The following AHCY variants were observed in gnomAD, a reference collection of about 807,000 sequenced individuals.
AHCY encodes S-adenosyl-L-homocysteine hydrolase.
AHCY carries 24 observed loss-of-function variants against 45.4 expected under a neutral mutation model. That is an observed-to-expected ratio of 0.53 (90% CI 0.38 to 0.74). AHCY has a LOEUF of 0.74. Among genes scored for constraint, AHCY ranks in the 30% least tolerant of loss-of-function variants. The probability of loss-of-function intolerance (pLI) is 0.00; values close to 1 mark genes in which losing one functional copy is unlikely to be tolerated. For synonymous variants in AHCY, 245 were observed against 235.1 expected (o/e 1.04, Z -0.39); for missense variants, 449 against 594.1 (o/e 0.76, Z 2.54).
the AHCY span, chr20:34,246,649 G>C: frequency 1.8e-6 from 1 of 541,328 alleles, no homozygotes; most frequent in Non-Finnish European, 3.4e-6. Flanking sequence ...GTAGAGATGG[G>C]GTTTCGCCAT....
rs1332079549 is a variant in AHCY at position 34,281,041 on chromosome 20, C to T, written c.1292G>A (p.Arg431His). 4 of 1,614,074 alleles carry T rather than the reference C, an allele frequency of 2.5e-6. No homozygotes were observed. Among genetic ancestry groups the T allele is most frequent in the Non-Finnish European group, 2.5e-6 (3 of 1,180,016 alleles). The change falls in exon 10 of 10, where the codon CGC becomes CAC. Residue 431 changes from arginine to histidine, a missense_variant. Transcript: ENST00000217426. The part of the protein sequence containing the change: ...CDGPFKPDHY[R>H]Y ...GAAACGCAGACCTGGCTCTCAGTAG[C>T]GGTAGTGATCCGGCTTGAAGGGGCC...
At chr20:34,308,310 G>A (rs746630503), upstream of AHCY, among the ~76,000 whole-genome samples, 1 of 152,202 alleles carries the variant, frequency 6.6e-6, no homozygotes, top group African/African-American at 2.4e-5. Flanking sequence ...CAGCACTTTG[G>A]GAGGCCAAGG....
At chr20:34,261,267 G>C in the AHCY span, among the ~76,000 whole-genome samples, 1 of 152,200 alleles carries the variant, frequency 6.6e-6, no homozygotes, top group East Asian at 1.9e-4. Context: ...GGAAGCTGGA[G>C]GCATGAGGAT....
chr20:34,275,893 G>GT (rs965231489), downstream of AHCY, among the ~76,000 whole-genome samples: 2 of 150,234 alleles, frequency 1.3e-5, no homozygotes, highest in Non-Finnish European at 3.0e-5. Flanking sequence ...GTTTCATTAT[G>GT]TTGGCCAGGC....
At chr20:34,307,236 A>G (rs949365935), upstream of AHCY, among the ~76,000 whole-genome samples, 3 of 151,344 alleles carry the variant, frequency 2.0e-5, no homozygotes, top group East Asian at 5.8e-4. Context: ...TTACAGGTGC[A>G]TGTCGCTACC....
the AHCY span, among the ~76,000 whole-genome samples, chr20:34,257,070 C>CTTTTTTTTTTTT: frequency 5.0e-5 from 7 of 139,412 alleles, no homozygotes; most frequent in Admixed American, 7.2e-5. Flanking sequence ...CTTTCTTTCT[C>CTTTTTTTTTTTT]TTTTTTTTTT....
downstream of AHCY, among the ~76,000 whole-genome samples, chr20:34,280,041 G>C (rs144283774): frequency 1.3e-5 from 2 of 152,252 alleles, no homozygotes; most frequent in African/African-American, 4.8e-5. Context: ...GCATTGAGCT[G>C]AGATTGCATC....
At chr20:34,241,553 G>C in the AHCY span, 1 of 984,418 alleles carries the variant, frequency 1.0e-6, no homozygotes, top group Non-Finnish European at 1.2e-6. Context: ...TTGGAAAGTT[G>C]AAAGGACTTA....
chr20:34,265,401 G>A, the AHCY span, among the ~76,000 whole-genome samples: 2 of 152,098 alleles, frequency 1.3e-5, no homozygotes, highest in Admixed American at 1.3e-4. Context: ...GTGTGCTCCT[G>A]TAGTCCCAGA....
the AHCY span, among the ~76,000 whole-genome samples, chr20:34,257,807 G>T: frequency 6.6e-6 from 1 of 152,052 alleles, no homozygotes; most frequent in African/African-American, 2.4e-5. Flanking sequence ...AAATATTATT[G>T]GCACATTAGC....
chr20:34,246,660 G>A, the AHCY span: 4 of 510,716 alleles, frequency 7.8e-6, no homozygotes, highest in Non-Finnish European at 1.1e-5. Context: ...GTTTCGCCAT[G>A]TTGCCCAGGC....
the AHCY span, among the ~76,000 whole-genome samples, chr20:34,261,830 C>T: frequency 1.3e-5 from 2 of 151,752 alleles, no homozygotes; most frequent in East Asian, 1.9e-4. Context: ...AATAAATAAT[C>T]GGCCAGGCGC....
the AHCY span, chr20:34,269,463 T>C: frequency 6.1e-5 from 25 of 407,600 alleles, no homozygotes; most frequent in Non-Finnish European, 1.0e-4. Flanking sequence ...ACAGCTGCAC[T>C]CCCAGTCACC....
At chr20:34,233,489 C>A in the AHCY span, among the ~76,000 whole-genome samples, 6 of 152,092 alleles carry the variant, frequency 3.9e-5, no homozygotes, top group African/African-American at 1.4e-4. Flanking sequence ...GTGAAGGAAG[C>A]CAGCCACAAA....
At chr20:34,285,741 G>C (rs35351212) in intron 8 of AHCY, 107 bp from the exon 9 acceptor site, 1 of 1,238,764 alleles carries the variant, frequency 8.1e-7, no homozygotes, top group Non-Finnish European at 1.2e-6. Flanking sequence ...TGAGGAGTCC[G>C]AACTGCTCCA....
rs767685958 is a variant in AHCY at position 34,290,963 on chromosome 20, C to T, written c.559-25G>A. ...TCTGAAAGGAAAGGGGGTAAGGAGA[C>T]AATAGGGGCAGGCAAGGCCCTGGGG... is the stretch of plus-strand genomic sequence containing the variant. On this transcript the variant is annotated intron_variant, in intron 5 of 9. Coordinates refer to ENST00000217426, the MANE Select transcript of AHCY (RefSeq NM_000687.4). The surrounding 1 kb of genome is among the most constrained non-coding windows in gnomAD (Gnocchi z 4.5). The T allele has an allele frequency of 5.0e-6, 8 of 1,612,248 alleles. No individual in the cohort carries two copies. The highest frequency in any genetic ancestry group is 6.8e-6 in the Non-Finnish European group (8 of 1,178,668).
At chr20:34,285,958 A>G (rs1003255656) in intron 8 of AHCY, 14 of 339,922 alleles carry the variant, frequency 4.1e-5, no homozygotes, top group African/African-American at 3.0e-4. Context: ...ACAAAAAATT[A>G]GCCGGGCGTG....
At position 34,294,881 on chromosome 20, in the gene AHCY, C is replaced by G. The variant is rs376917145; in HGVS notation, c.219+514G>C. ...TGAATGCTGAAAAGAAAGAAGAGGTCCAAGGACTCAGCCCTGAGCCCCTCT... is the reference window on the plus strand; with the variant it reads ...TGAATGCTGAAAAGAAAGAAGAGGTGCAAGGACTCAGCCCTGAGCCCCTCT... On this transcript the variant is annotated intron_variant, in intron 2 of 9. Coordinates refer to ENST00000217426, the MANE Select transcript of AHCY (RefSeq NM_000687.4). Among the ~76,000 whole-genome samples the G allele has an allele frequency of 1.3e-4, 20 of 152,290 alleles. No homozygotes were observed. The East Asian group carries it at 1.5e-3, about 12-fold the overall frequency.
chr20:34,265,822 C>T, the AHCY span, among the ~76,000 whole-genome samples: 2 of 151,886 alleles, frequency 1.3e-5, no homozygotes. Context: ...TGGTGCTGCA[C>T]GCCTGTAATC....
Sources: allele counts gnomAD v4.1 joint callset (sites outside exome capture counted in the v4.1 genomes callset), GRCh38; gene constraint gnomAD v4.1.1; non-coding constraint Gnocchi (gnomAD v3.1); transcripts MANE v1.5; gene names NCBI Gene and HGNC (gene_info 2026-07-23, HGNC 2026-07-21).